ADGRG5: variants seen among roughly 807,000 people sequenced by gnomAD.
The protein encoded by ADGRG5 is G protein-coupled receptor 114.
Under a neutral mutation model 53.2 loss-of-function variants are expected in ADGRG5, and 37 were observed. The ratio of observed to expected loss-of-function variants is 0.70; its 90% CI spans 0.53 to 0.91. The LOEUF is 0.91. Ranked by LOEUF, ADGRG5 falls within the 40% of genes least tolerant of loss-of-function variation. The pLI, the probability that ADGRG5 is intolerant of heterozygous loss-of-function variation, is 0.00. For synonymous variants in ADGRG5, 277 were observed against 290.4 expected, an observed-to-expected ratio of 0.95 and a Z score of 0.47; for missense variants, 614 against 675.8, an observed-to-expected ratio of 0.91 and a Z score of 1.01.
chr16:57,545,081 C>G (rs2032585044), intron 1 of ADGRG5, among the ~76,000 whole-genome samples: 1 of 152,078 alleles, frequency 6.6e-6, no homozygotes, highest in Non-Finnish European at 1.5e-5. Flanking sequence ...CCGGCTCCCC[C>G]AAATCTTGTC....
intron 10 of ADGRG5, among the ~76,000 whole-genome samples, chr16:57,573,868 C>T (rs1345842584): frequency 6.6e-6 from 1 of 152,116 alleles, no homozygotes; most frequent in Non-Finnish European, 1.5e-5. Context: ...ATTACAGGCA[C>T]CTGCCACCAC....
rs1468349727 is a variant in ADGRG5 at position 57,560,156 on chromosome 16, GC to G, written c.-38-1897del. 2.6e-5 allele frequency among the ~76,000 whole-genome samples: 4 copies of G among 152,242 alleles called. No individual in the cohort carries two copies. In the East Asian group the frequency reaches 7.7e-4, roughly 29 times the overall value. On this transcript the variant is annotated intron_variant, in intron 1 of 11. Coordinates refer to ENST00000349457, the MANE Select transcript of ADGRG5 (RefSeq NM_001304376.3). ...CTCCTGCTCCCTCCGGATGGGAAAT[GC>G]CCTAGTCCTGCTGTTCAGCATCAAC...
At chr16:57,536,556 G>A in the ADGRG5 span, 1 of 152,126 alleles carries the variant, frequency 6.6e-6, no homozygotes, top group South Asian at 2.1e-4. Flanking sequence ...GGGTAGAGCG[G>A]GCACCGTGCA....
At position 57,575,446 on chromosome 16, in the gene ADGRG5, C is replaced by T. The variant is rs1279754157; in HGVS notation, c.1495C>T (p.Leu499Phe). Residue 499 changes from leucine (L) to phenylalanine (F), a missense_variant, in exon 12 of 12, where the codon CTT becomes TTT. Physicochemically the swap from Leu to Phe is conservative, Grantham distance 22. Transcript: ENST00000349457. ...CCGCCTTTCTCTTGCAGGTTTCTTC[C>T]TTTTCCTGTGGTTCTGCTCCCAGCG... ...TILNSLYGFF[L>F]FLWFCSQRCR... is the part of the protein sequence containing the mutation. 2 of 1,614,100 alleles carry T rather than the reference C, an allele frequency of 1.2e-6. No individual in the cohort carries two copies. The highest frequency in any genetic ancestry group is 1.7e-4 in the Middle Eastern group (1 of 6,056).
upstream of ADGRG5, among the ~76,000 whole-genome samples, chr16:57,538,692 G>T (rs1164346809): frequency 6.6e-6 from 1 of 152,210 alleles, no homozygotes; most frequent in African/African-American, 2.4e-5. Context: ...CTCTCTGGCA[G>T]CCTGTCCCAC....
At chr16:57,573,306 A>C (rs1175932350) in intron 10 of ADGRG5, among the ~76,000 whole-genome samples, 1 of 151,402 alleles carries the variant, frequency 6.6e-6, no homozygotes, top group African/African-American at 2.4e-5. Flanking sequence ...TGGTGTCAGG[A>C]TTCTGTAGTT....
Position 57,567,961 on chromosome 16 carries a change from G to A in ADGRG5, c.927G>A (p.Val309=), listed in dbSNP as rs1249201376. Residue 309 remains valine, a synonymous_variant, in exon 9 of 12, where the codon GTG becomes GTA. Coordinates refer to ENST00000349457, the MANE Select transcript of ADGRG5 (RefSeq NM_001304376.3). ...GCCCCGCATTCGCAATGTCTCCTGT[G>A]CCCGGGTCAGCATGCACGGCTCTGG... ...LLSPAFAMSP[V]PGSACTALAA... 2 of 1,613,960 alleles carry A rather than the reference G, an allele frequency of 1.2e-6. No individual in the cohort carries two copies. The highest frequency in any genetic ancestry group is 1.7e-5 in the Admixed American group (1 of 60,006).
the ADGRG5 span, among the ~76,000 whole-genome samples, chr16:57,530,353 C>T: frequency 5.3e-5 from 8 of 152,212 alleles, no homozygotes; most frequent in African/African-American, 1.9e-4. Flanking sequence ...ACTGCGGCCT[C>T]TGTTGACTGC....
intron 1 of ADGRG5, among the ~76,000 whole-genome samples, chr16:57,557,394 C>T (rs1432679250): frequency 4.6e-5 from 7 of 152,098 alleles, no homozygotes; most frequent in Admixed American, 3.3e-4. Flanking sequence ...AAGATTTTAT[C>T]TTCGGTTCTG....
At chr16:57,563,052 C>G in intron 3 of ADGRG5, 39 bp from the exon 4 acceptor site, 1 of 1,612,636 alleles carries the variant, frequency 6.2e-7, no homozygotes, top group Non-Finnish European at 8.5e-7. Context: ...TTACCCCACT[C>G]CGGGCTCTGG....
At chr16:57,537,279 TC>T in the ADGRG5 span, among the ~76,000 whole-genome samples, 1 of 151,222 alleles carries the variant, frequency 6.6e-6, no homozygotes, top group Admixed American at 6.6e-5. Flanking sequence ...TCTGGAGGAC[TC>T]CCCACTACAT....
the ADGRG5 span, among the ~76,000 whole-genome samples, chr16:57,531,714 C>T: frequency 1.3e-5 from 2 of 152,268 alleles, no homozygotes; most frequent in Admixed American, 1.3e-4. Flanking sequence ...ACTGCACTGC[C>T]CACCCCCATG....
intron 9 of ADGRG5, among the ~76,000 whole-genome samples, chr16:57,568,736 CCACCTCCAT>C (rs1286802635): frequency 9.3e-5 from 14 of 150,136 alleles, no homozygotes; most frequent in African/African-American, 1.5e-4. Context: ...ATCACCTCTT[CCACCTCCAT>C]CACCTCCATC....
chr16:57,551,656 A>G (rs1202261874), intron 1 of ADGRG5, among the ~76,000 whole-genome samples: 1 of 152,044 alleles, frequency 6.6e-6, no homozygotes. Context: ...GAAGTTTTGA[A>G]CCCCTCAAAG....
upstream of ADGRG5, among the ~76,000 whole-genome samples, chr16:57,539,171 T>C (rs2032452748): frequency 6.6e-6 from 1 of 152,138 alleles, no homozygotes; most frequent in African/African-American, 2.4e-5. Flanking sequence ...TCTGACACAC[T>C]ACAACACGGA....
intron 9 of ADGRG5, among the ~76,000 whole-genome samples, chr16:57,569,960 C>G (rs1305387568): frequency 2.0e-5 from 3 of 151,650 alleles, no homozygotes; most frequent in Admixed American, 1.3e-4. Context: ...ATCATCACCT[C>G]CTCTACCTCC....
chr16:57,556,897 T>C (rs1167792975), intron 1 of ADGRG5, among the ~76,000 whole-genome samples: 6 of 138,054 alleles, frequency 4.3e-5, no homozygotes, highest in Admixed American at 3.7e-4. Context: ...AAGTTCTTAT[T>C]TTGCCTTCTT....
In ADGRG5 at chr16:57,575,398, G is replaced by A. The variant is rs776932253; in HGVS notation, c.1487-40G>A. 3.8e-6 allele frequency: 6 copies of A among 1,582,760 alleles called. No individual in the cohort carries two copies. The African/African-American group carries it at 6.7e-5, about 18-fold the overall frequency. On this transcript the variant is annotated intron_variant, in intron 11 of 11. Transcript: ENST00000349457. ...CAAGGAGACCCTGGCCTTTGGGGAA[G>A]CCCATGCTGCCCCGTGGAACTCCCG...
chr16:57,567,724 T>G, intron 8 of ADGRG5, 132 bp from the exon 9 acceptor site: 1 of 1,410,796 alleles, frequency 7.1e-7, no homozygotes, highest in Non-Finnish European at 9.7e-7. Flanking sequence ...ACCAGCCTTG[T>G]GGTGCGACTG....
Sources: gnomAD v4.1 joint callset for allele counts (sites outside exome capture counted in the v4.1 genomes callset) on GRCh38, gnomAD v4.1.1 for gene constraint, MANE v1.5 for transcripts, NCBI Gene and HGNC (gene_info 2026-07-23, HGNC 2026-07-21) for gene names.